Variants in PRORP observed in about 807,000 individuals in gnomAD.
PRORP encodes the protein mitochondrial ribonuclease P catalytic subunit.
In PRORP, 51 loss-of-function variants were observed where a neutral mutation model predicts 59.4. The observed-to-expected ratio is 0.86, with a 90% CI of 0.69 to 1.08. PRORP has a LOEUF of 1.08. PRORP is among the 50% of genes least tolerant of loss of function. PRORP has a pLI of 0.00. For synonymous variants in PRORP, 231 were observed against 245.6 expected, an observed-to-expected ratio of 0.94 and a Z score of 0.55; for missense variants, 646 against 690.3, an observed-to-expected ratio of 0.94 and a Z score of 0.72.
At chr14:35,131,532 GTTT>G (rs34299957) in intron 4 of PRORP, among the ~76,000 whole-genome samples, 2 of 130,470 alleles carry the variant, frequency 1.5e-5, no homozygotes. Flanking sequence ...TTGCTTTTTG[GTTT>G]TTTTTTTTTT....
chr14:35,148,421 T>C (rs2138876644), intron 4 of PRORP, among the ~76,000 whole-genome samples: 1 of 152,350 alleles, frequency 6.6e-6, no homozygotes, highest in South Asian at 2.1e-4. Context: ...GAAGAGTCTT[T>C]TTTTTGGAGC....
In PRORP at chr14:35,124,096, C is replaced by A. The variant is rs938122695; in HGVS notation, c.851C>A (p.Ala284Asp). Residue 284 changes from alanine (A) to aspartate (D), a missense_variant, in exon 2 of 8, where the codon GCT (alanine) becomes GAT (aspartate). By Grantham distance (126) the Ala-to-Asp change is moderately radical. Transcript: ENST00000534898. ...DIVPMLETLK[A>D]FFDFGKDIKD... ...GTTCCTATGTTGGAAACTTTAAAAGCTTTCTTTGATTTTGGAAAAGACATA... is the reference window on the plus strand; with the variant it reads ...GTTCCTATGTTGGAAACTTTAAAAGATTTCTTTGATTTTGGAAAAGACATA... 1 of 1,613,542 alleles carries A rather than the reference C, an allele frequency of 6.2e-7. No individual in the cohort carries two copies. The highest frequency in any genetic ancestry group is 1.1e-5 in the South Asian group (1 of 91,028).
At position 35,276,104 on chromosome 14, in the gene PRORP, T is replaced by C. The variant is rs1450769788; in HGVS notation, c.*2538T>C. Reference sequence around the variant, plus strand: ...GGGAGAATTGCTTGAAGCCAGGAGTTGGAGACCAGCCTAGGCAACACAGGG... The same window carrying C: ...GGGAGAATTGCTTGAAGCCAGGAGTCGGAGACCAGCCTAGGCAACACAGGG... On this transcript the variant is annotated 3_prime_UTR_variant, in exon 8 of 8. Coordinates refer to ENST00000534898, the MANE Select transcript of PRORP (RefSeq NM_014672.4). 1 of 152,394 alleles carries C rather than the reference T, an allele frequency of 6.6e-6. No homozygotes were observed. Among genetic ancestry groups the C allele is most frequent in the Non-Finnish European group, 1.5e-5 (1 of 68,224 alleles). The allele number at this position is 152,394 out of a possible 1,614,324, so 9.4% of individuals were successfully genotyped here. A position where few individuals can be genotyped will look rare whatever the true frequency, so the allele number is the denominator to read the frequency against.
chr14:35,230,353 A>C (rs981713782), intron 5 of PRORP, among the ~76,000 whole-genome samples: 7 of 152,334 alleles, frequency 4.6e-5, no homozygotes, highest in African/African-American at 1.7e-4. Flanking sequence ...CGCCCAACCC[A>C]TTACTGTAAA....
chr14:35,129,501 G>A (rs1303844381), intron 4 of PRORP, among the ~76,000 whole-genome samples: 3 of 149,060 alleles, frequency 2.0e-5, no homozygotes, highest in Admixed American at 6.7e-5. Flanking sequence ...TTGAGATGGA[G>A]TATTGCTCTG....
At chr14:35,152,178 T>C (rs2047773644) in intron 4 of PRORP, among the ~76,000 whole-genome samples, 1 of 152,156 alleles carries the variant, frequency 6.6e-6, no homozygotes, top group South Asian at 2.1e-4. Flanking sequence ...ACAAAGCACA[T>C]CTTGCACCGC....
chr14:35,259,438 T>C (rs567170633), intron 5 of PRORP, among the ~76,000 whole-genome samples: 1 of 152,330 alleles, frequency 6.6e-6, no homozygotes, highest in East Asian at 1.9e-4. Context: ...ATGTAGACTT[T>C]TTATACCTCA....
intron 7 of PRORP, among the ~76,000 whole-genome samples, chr14:35,271,632 A>G (rs2051193260): frequency 6.6e-6 from 1 of 152,226 alleles, no homozygotes; most frequent in Admixed American, 6.5e-5. Flanking sequence ...TATCTATAAT[A>G]TAAGGACACA....
chr14:35,127,438 C>G (rs766098056), intron 3 of PRORP, 41 bp from the exon 4 acceptor site: 9 of 1,409,476 alleles, frequency 6.4e-6, no homozygotes, highest in Admixed American at 3.1e-5. Context: ...GAACATTATT[C>G]GACATATTTA....
At chr14:35,258,606 G>A (rs1463743065) in intron 5 of PRORP, among the ~76,000 whole-genome samples, 2 of 151,870 alleles carry the variant, frequency 1.3e-5, no homozygotes, top group East Asian at 3.9e-4. Context: ...GTAAGGGAAA[G>A]TATCACTAAG....
At chr14:35,184,555 G>C (rs1212311538) in intron 5 of PRORP, among the ~76,000 whole-genome samples, 1 of 151,944 alleles carries the variant, frequency 6.6e-6, no homozygotes, top group Non-Finnish European at 1.5e-5. Context: ...GGGGTACATG[G>C]GAAGGTTTGT....
At chr14:35,124,271 A>ATT (rs71435858) in intron 2 of PRORP, 40 bp downstream of exon 2, 21,936 of 1,127,168 alleles carry the variant, frequency 0.019, no homozygotes, top group Non-Finnish European at 0.023. Context: ...TTATTCTTTA[A>ATT]TTTTTTTTTT....
chr14:35,252,243 G>A (rs934110829), intron 5 of PRORP, among the ~76,000 whole-genome samples: 7 of 152,120 alleles, frequency 4.6e-5, no homozygotes, highest in African/African-American at 1.7e-4. Flanking sequence ...TGGGTAACAT[G>A]GTGAGACCCC....
intron 6 of PRORP, 102 bp from the exon 7 acceptor site, chr14:35,270,299 C>A: frequency 9.0e-7 from 1 of 1,109,658 alleles, no homozygotes; most frequent in Non-Finnish European, 1.3e-6. Flanking sequence ...GTCAAGAAAT[C>A]AGAGGCACCT....
chr14:35,145,801 T>C (rs2047592874), intron 4 of PRORP, among the ~76,000 whole-genome samples: 3 of 125,390 alleles, frequency 2.4e-5, no homozygotes, highest in Admixed American at 1.8e-4. Flanking sequence ...TTAATTTTAT[T>C]TGATTATTTA....
intron 5 of PRORP, among the ~76,000 whole-genome samples, chr14:35,229,248 A>G (rs1285466160): frequency 4.6e-5 from 7 of 151,850 alleles, no homozygotes; most frequent in African/African-American, 9.7e-5. Flanking sequence ...TAGGTTATCT[A>G]TTTCTTCTGT....
chr14:35,268,898 A>G (rs777045367), intron 6 of PRORP, among the ~76,000 whole-genome samples: 14 of 152,160 alleles, frequency 9.2e-5, no homozygotes, highest in Non-Finnish European at 1.6e-4. Context: ...CTGGCCCCCA[A>G]ATCATTTATT....
At chr14:35,227,850 A>G (rs539052233) in intron 5 of PRORP, among the ~76,000 whole-genome samples, 5 of 152,244 alleles carry the variant, frequency 3.3e-5, no homozygotes, top group African/African-American at 4.8e-5. Flanking sequence ...CAGGTAATTT[A>G]AAGACTTAAA....
At chr14:35,122,244 G>T (rs974888269), upstream of PRORP, 19 of 443,078 alleles carry the variant, frequency 4.3e-5, no homozygotes, top group Non-Finnish European at 6.7e-5. Flanking sequence ...TAAAGGCCAC[G>T]ATAAGCCCGC....
Sources: gnomAD v4.1 joint callset for allele counts (sites outside exome capture counted in the v4.1 genomes callset) on GRCh38, gnomAD v4.1.1 for gene constraint, MANE v1.5 for transcripts, NCBI Gene and HGNC (gene_info 2026-07-23, HGNC 2026-07-21) for gene names.